BCKDHB: variants seen among roughly 807,000 people sequenced by gnomAD.
The protein encoded by BCKDHB is 2-oxoisovalerate dehydrogenase subunit beta, mitochondrial.
A neutral mutation model predicts 48.5 loss-of-function variants in BCKDHB; 41 were observed. The observed-to-expected ratio is 0.85, with a 90% CI of 0.66 to 1.10. The LOEUF is 1.10. Among genes scored for constraint, BCKDHB ranks in the 50% least tolerant of loss-of-function variants. BCKDHB has a pLI of 0.00. For synonymous variants in BCKDHB, 201 were observed against 174.8 expected, an observed-to-expected ratio of 1.15 and a Z score of -1.18; for missense variants, 496 against 494.2, an observed-to-expected ratio of 1.00 and a Z score of -0.03.
intron 6 of BCKDHB, among the ~76,000 whole-genome samples, chr6:80,200,564 C>A (rs1316091919): frequency 6.6e-6 from 1 of 152,048 alleles, no homozygotes; most frequent in African/African-American, 2.4e-5. Context: ...TTCTTAGATA[C>A]CACACACAGG....
chr6:80,308,292 G>A (rs1168469361), intron 9 of BCKDHB, among the ~76,000 whole-genome samples: 2 of 151,958 alleles, frequency 1.3e-5, no homozygotes, highest in South Asian at 2.1e-4. Flanking sequence ...TTCAAAAGTC[G>A]TGTTTAATGG....
the BCKDHB span, among the ~76,000 whole-genome samples, chr6:80,433,973 G>A: frequency 6.6e-6 from 1 of 152,084 alleles, no homozygotes; most frequent in Non-Finnish European, 1.5e-5. Context: ...ACTCCAGTTG[G>A]ACAAATGCTT....
chr6:80,259,801 A>AGG (rs1777216349), intron 8 of BCKDHB, among the ~76,000 whole-genome samples: 2 of 152,184 alleles, frequency 1.3e-5, no homozygotes, highest in South Asian at 4.1e-4. Flanking sequence ...AAAGCCAAAA[A>AGG]CCCAATTCTG....
At chr6:80,126,125 G>T (rs961524631) in intron 1 of BCKDHB, among the ~76,000 whole-genome samples, 15 of 152,068 alleles carry the variant, frequency 9.9e-5, no homozygotes, top group African/African-American at 2.9e-4. Flanking sequence ...GAGTAAATTC[G>T]TATTATCTCC....
chr6:80,316,801 T>C (rs1017375957), intron 9 of BCKDHB, among the ~76,000 whole-genome samples: 1 of 152,256 alleles, frequency 6.6e-6, no homozygotes, highest in Non-Finnish European at 1.5e-5. Context: ...TCTTGTTTCA[T>C]GCATAGACTA....
intron 8 of BCKDHB, among the ~76,000 whole-genome samples, chr6:80,233,717 C>T (rs1776029679): frequency 6.6e-6 from 1 of 152,172 alleles, no homozygotes; most frequent in African/African-American, 2.4e-5. Flanking sequence ...TGTAGGGACT[C>T]AATTTGTTAG....
At chr6:80,421,264 CT>C in the BCKDHB span, among the ~76,000 whole-genome samples, 86 of 152,252 alleles carry the variant, frequency 5.6e-4, no homozygotes, top group Admixed American at 5.9e-4. Flanking sequence ...TCCCCTTTGC[CT>C]TCCATTATGA....
rs1582380462 is a variant in BCKDHB, at chr6:80,218,409, A to T, written c.951+15197A>T. 2.0e-5 allele frequency among the ~76,000 whole-genome samples: 3 copies of T among 152,290 alleles called. No individual in the cohort carries two copies. In the South Asian group the frequency reaches 6.2e-4, roughly 32 times the overall value. On this transcript the variant is annotated intron_variant, in intron 8 of 9. Coordinates refer to ENST00000320393, the MANE Select transcript of BCKDHB (RefSeq NM_183050.4). ...GGAATCAGAAGCCTACCACACGCAC[A>T]TGCACTCATGCACACACATGCATAT...
the BCKDHB span, among the ~76,000 whole-genome samples, chr6:80,426,400 T>C: frequency 6.6e-6 from 1 of 152,168 alleles, no homozygotes; most frequent in Non-Finnish European, 1.5e-5. Context: ...CCTTCTAGCA[T>C]ATTAAGATGG....
chr6:80,261,798 T>A (rs1777315062), intron 8 of BCKDHB, among the ~76,000 whole-genome samples: 3 of 152,170 alleles, frequency 2.0e-5, no homozygotes, highest in Admixed American at 1.3e-4. Flanking sequence ...AGTAGATTAT[T>A]CTTAGAGACC....
chr6:80,451,783 G>A, the BCKDHB span, among the ~76,000 whole-genome samples: 5,586 of 151,598 alleles, frequency 0.037, 166 homozygotes, highest in Middle Eastern at 0.065. Flanking sequence ...TCACAGGTCA[G>A]AAACCTTGTA....
chr6:80,285,701 T>G (rs1315596013), intron 9 of BCKDHB, among the ~76,000 whole-genome samples: 2 of 152,126 alleles, frequency 1.3e-5, no homozygotes, highest in African/African-American at 4.8e-5. Flanking sequence ...ATGGGTAAAC[T>G]AAGCATTATT....
At chr6:80,228,041 A>T in intron 8 of BCKDHB, among the ~76,000 whole-genome samples, 1 of 152,328 alleles carries the variant, frequency 6.6e-6, no homozygotes, top group Admixed American at 6.5e-5. Flanking sequence ...CAAATAACTT[A>T]TAATAAATAA....
the BCKDHB span, among the ~76,000 whole-genome samples, chr6:80,365,381 C>T: frequency 6.6e-6 from 1 of 152,154 alleles, no homozygotes; most frequent in Admixed American, 6.6e-5. Flanking sequence ...CAGTCCTTAT[C>T]TCAACTGCAT....
chr6:80,165,425 G>A (rs747527625), intron 3 of BCKDHB, among the ~76,000 whole-genome samples: 4 of 152,086 alleles, frequency 2.6e-5, no homozygotes, highest in Non-Finnish European at 5.9e-5. Flanking sequence ...GTGTCTGGTC[G>A]GCATTTCCCA....
chr6:80,163,881 T>G (rs1562099622), intron 3 of BCKDHB, among the ~76,000 whole-genome samples: 1 of 152,208 alleles, frequency 6.6e-6, no homozygotes, highest in Non-Finnish European at 1.5e-5. Flanking sequence ...TGCACATCCA[T>G]TTCATCAGCA....
At chr6:80,366,773 C>G in the BCKDHB span, among the ~76,000 whole-genome samples, 2 of 152,174 alleles carry the variant, frequency 1.3e-5, no homozygotes, top group Non-Finnish European at 2.9e-5. Flanking sequence ...TCACTCCTTA[C>G]TCCTTTGGAA....
intron 8 of BCKDHB, among the ~76,000 whole-genome samples, chr6:80,240,716 G>A (rs370627816): frequency 6.6e-6 from 1 of 152,172 alleles, no homozygotes; most frequent in African/African-American, 2.4e-5. Context: ...AATAGGAGTG[G>A]TGAGAGAGGG....
intron 3 of BCKDHB, among the ~76,000 whole-genome samples, chr6:80,129,476 A>G (rs1278180152): frequency 2.0e-5 from 3 of 152,220 alleles, no homozygotes; most frequent in East Asian, 3.9e-4. Flanking sequence ...TTAAATGTAT[A>G]TTATTTATTG....
Sources: gnomAD v4.1 joint callset for allele counts (sites outside exome capture counted in the v4.1 genomes callset) on GRCh38, gnomAD v4.1.1 for gene constraint, MANE v1.5 for transcripts, NCBI Gene and HGNC (gene_info 2026-07-23, HGNC 2026-07-21) for gene names.